TRPM3: variants seen among roughly 807,000 people sequenced by gnomAD.
TRPM3 encodes the protein transient receptor potential cation channel subfamily M member 3, also known as long transient receptor potential channel 3.
Under a neutral mutation model 181.2 loss-of-function variants are expected in TRPM3, and 77 were observed. The observed-to-expected ratio is 0.42, with a 90% CI of 0.35 to 0.51. The LOEUF is 0.51. Ranked by LOEUF, TRPM3 falls within the 20% of genes least tolerant of loss-of-function variation. The pLI is 0.01. For synonymous variants in TRPM3, 745 were observed against 796.4 expected, an observed-to-expected ratio of 0.94 and a Z score of 1.09; for missense variants, 1,759 against 2,196.7, an observed-to-expected ratio of 0.80 and a Z score of 3.98.
intron 1 of TRPM3, among the ~76,000 whole-genome samples, chr9:71,399,877 T>C (rs779089071): frequency 3.9e-5 from 6 of 152,132 alleles, no homozygotes; most frequent in Non-Finnish European, 8.8e-5. Context: ...TTTCTGAATA[T>C]AGTTTATTCT....
chr9:70,564,598 A>G (rs1426803417), intron 22 of TRPM3, among the ~76,000 whole-genome samples: 1 of 152,196 alleles, frequency 6.6e-6, no homozygotes. Flanking sequence ...GGCCCTCTTC[A>G]AGAGGGGCCT....
intron 1 of TRPM3, among the ~76,000 whole-genome samples, chr9:71,223,254 G>A (rs1261525626): frequency 1.2e-4 from 18 of 152,120 alleles, no homozygotes; most frequent in Admixed American, 9.8e-4. Context: ...TCAGAGTCAT[G>A]AGGCCCCTGT....
At chr9:70,994,944 G>A (rs1364028264) in intron 1 of TRPM3, among the ~76,000 whole-genome samples, 1 of 152,236 alleles carries the variant, frequency 6.6e-6, no homozygotes, top group East Asian at 1.9e-4. Flanking sequence ...TGCAGGGCAT[G>A]TTCTCCATCT....
intron 1 of TRPM3, among the ~76,000 whole-genome samples, chr9:70,911,574 C>T (rs533438950): frequency 2.6e-4 from 40 of 152,302 alleles, no homozygotes; most frequent in African/African-American, 9.6e-4. Flanking sequence ...TCATGACATT[C>T]TACTAAAACC....
chr9:70,789,108 C>G (rs1183544975), intron 6 of TRPM3, among the ~76,000 whole-genome samples: 4 of 152,114 alleles, frequency 2.6e-5, no homozygotes, highest in African/African-American at 7.2e-5. Context: ...TAAATTACAG[C>G]TCAAACACAG....
intron 10 of TRPM3, among the ~76,000 whole-genome samples, chr9:70,639,884 G>A (rs2057790401): frequency 6.6e-6 from 1 of 152,130 alleles, no homozygotes; most frequent in Admixed American, 6.6e-5. Context: ...AACTCTCTAG[G>A]GGAAAGGAAG....
intron 1 of TRPM3, among the ~76,000 whole-genome samples, chr9:71,227,121 A>AG (rs1173265659): frequency 1.3e-5 from 2 of 150,822 alleles, no homozygotes; most frequent in Admixed American, 6.6e-5. Flanking sequence ...AAAAAAAAAA[A>AG]AAAAAAAAAA....
At chr9:70,806,287 G>GA (rs11383596) in intron 6 of TRPM3, among the ~76,000 whole-genome samples, 17,562 of 145,910 alleles carry the variant, frequency 0.12, 1,220 homozygotes, top group African/African-American at 0.2. Context: ...TGCCAAAAAA[G>GA]AAAAAAAAAT....
At chr9:70,978,288 T>G (rs1284348724) in intron 1 of TRPM3, among the ~76,000 whole-genome samples, 1 of 152,252 alleles carries the variant, frequency 6.6e-6, no homozygotes, top group African/African-American at 2.4e-5. Context: ...AATGTTTTGA[T>G]GCTTCTTAGG....
intron 1 of TRPM3, among the ~76,000 whole-genome samples, chr9:70,904,478 C>CT (rs1589670408): frequency 6.6e-6 from 1 of 152,086 alleles, no homozygotes; most frequent in African/African-American, 2.4e-5. Context: ...TTAGAAACAG[C>CT]TTGGGGAAGA....
chr9:70,961,112 AG>A (rs2097132156), intron 1 of TRPM3, among the ~76,000 whole-genome samples: 1 of 152,168 alleles, frequency 6.6e-6, no homozygotes, highest in Non-Finnish European at 1.5e-5. Context: ...GTAATCACAA[AG>A]GTCCTTACAG....
intron 1 of TRPM3, among the ~76,000 whole-genome samples, chr9:71,428,587 G>A (rs945734964): frequency 6.6e-6 from 1 of 152,124 alleles, no homozygotes; most frequent in Admixed American, 6.6e-5. Context: ...GAGTGTGTAT[G>A]TGTGACTGTT....
At chr9:71,046,723 C>T (rs558054084) in intron 1 of TRPM3, among the ~76,000 whole-genome samples, 1 of 152,072 alleles carries the variant, frequency 6.6e-6, no homozygotes, top group Non-Finnish European at 1.5e-5. Context: ...ACACACAAAC[C>T]CTTGAGGCCC....
chr9:71,076,769 T>G (rs1053203994), intron 1 of TRPM3, among the ~76,000 whole-genome samples: 3 of 152,180 alleles, frequency 2.0e-5, no homozygotes, highest in African/African-American at 7.2e-5. Context: ...CGGCCCATCT[T>G]GGAAATGTGA....
rs1432039407 is a variant in TRPM3, at chr9:71,202,100, AC to A, written c.183+244552del. Among the ~76,000 whole-genome samples the A allele has an allele frequency of 2.6e-5, 4 of 152,112 alleles. No individual in the cohort carries two copies. The East Asian group carries it at 7.7e-4, about 29-fold the overall frequency. On this transcript the variant is annotated intron_variant, in intron 1 of 24. Coordinates refer to the TRPM3 transcript ENST00000357533. ...GGAGTTTGCTAGAGGTCCACTCCAG[AC>A]CCTGTTTGCCTGGGTATCAGCAGTG...
At chr9:70,745,047 A>G (rs1375862384) in intron 8 of TRPM3, among the ~76,000 whole-genome samples, 1 of 152,188 alleles carries the variant, frequency 6.6e-6, no homozygotes, top group Admixed American at 6.5e-5. Context: ...ACAAGATAAC[A>G]TGAAAATGAT....
intron 1 of TRPM3, among the ~76,000 whole-genome samples, chr9:71,381,689 G>GGTTT (rs1357732272): frequency 6.6e-6 from 1 of 152,068 alleles, no homozygotes; most frequent in Non-Finnish European, 1.5e-5. Flanking sequence ...GAAAACTAAG[G>GGTTT]CTCAGAGAAG....
intron 1 of TRPM3, among the ~76,000 whole-genome samples, chr9:71,275,147 C>A (rs2084095440): frequency 6.6e-6 from 1 of 152,040 alleles, no homozygotes; most frequent in Non-Finnish European, 1.5e-5. Context: ...TGTTTATGGA[C>A]AATAAAAAAG....
chr9:70,598,161 G>A (rs1347697122), intron 21 of TRPM3, among the ~76,000 whole-genome samples: 1 of 151,970 alleles, frequency 6.6e-6, no homozygotes, highest in Non-Finnish European at 1.5e-5. Context: ...CCAACTCCTA[G>A]TCCAGTGTCC....
Sources: gnomAD v4.1 joint callset for allele counts (sites outside exome capture counted in the v4.1 genomes callset) on GRCh38, gnomAD v4.1.1 for gene constraint, MANE v1.5 for transcripts, NCBI Gene and HGNC (gene_info 2026-07-23, HGNC 2026-07-21) for gene names.